FN1: variants seen among roughly 807,000 people sequenced by gnomAD.
The protein encoded by FN1 is fibronectin.
FN1 carries 106 observed loss-of-function variants against 297.3 expected under a neutral mutation model. The observed-to-expected ratio is 0.36, with a 90% CI of 0.30 to 0.42. FN1 has a LOEUF of 0.42. FN1 is among the 10% of genes least tolerant of loss of function. FN1 has a pLI of 1.00. For synonymous variants in FN1, 1,149 were observed against 1,152.6 expected (o/e 1.00, Z 0.06); for missense variants, 2,690 against 3,124.9 (o/e 0.86, Z 3.32).
At chr2:215,423,317 C>G (rs868744128) in intron 9 of FN1, 33 bp downstream of exon 9, 1 of 1,611,930 alleles carries the variant, frequency 6.2e-7, no homozygotes, top group Non-Finnish European at 8.5e-7. Context: ...AAATTGTTGT[C>G]AAACAAGACA....
chr2:215,404,490 T>C lies in FN1; in HGVS notation c.3152A>G (p.Tyr1051Cys). Residue 1051 changes from tyrosine (Y) to cysteine (C), a missense_variant, in exon 20 of 46, where the codon TAC becomes TGC. Around this residue, in one of 3 missense-constraint regions of FN1, gnomAD observed 1,743 missense variants for 1,945.2 expected, o/e 0.90. Coordinates refer to ENST00000354785, the MANE Select transcript of FN1 (RefSeq NM_212482.4). ...TGCAGGCTGCAGATTCCTCAGTGGG[T>C]ACTTGGAGACAGAGGGACCCACATT... ...QYNVGPSVSKYPLRNLQPASE... is the reference protein window; with the variant it reads ...QYNVGPSVSKCPLRNLQPASE... 1 of 1,613,934 alleles carries C rather than the reference T, an allele frequency of 6.2e-7. No individual in the cohort carries two copies. The highest frequency in any genetic ancestry group is 1.1e-5 in the South Asian group (1 of 91,062).
intron 5 of FN1, among the ~76,000 whole-genome samples, chr2:215,428,666 G>C (rs1324795926): frequency 6.6e-6 from 1 of 152,074 alleles, no homozygotes; most frequent in East Asian, 1.9e-4. Context: ...GGCTCTTCCA[G>C]GATTTTTCTT....
At chr2:215,373,545 C>T (rs995020245) in intron 38 of FN1, 134 bp from the exon 39 acceptor site, 34 of 728,378 alleles carry the variant, frequency 4.7e-5, no homozygotes, top group African/African-American at 1.6e-4. Flanking sequence ...AAGGTAAAAT[C>T]GACTTCACTT....
intron 20 of FN1, among the ~76,000 whole-genome samples, chr2:215,402,622 A>G (rs1322243488): frequency 3.3e-5 from 5 of 152,226 alleles, no homozygotes; most frequent in Non-Finnish European, 7.3e-5. Context: ...GGAGTTGTAG[A>G]ATACCCTGCT....
intron 22 of FN1, 57 bp downstream of exon 22, chr2:215,397,623 T>C (rs1559459592): frequency 6.7e-7 from 1 of 1,498,862 alleles, no homozygotes; most frequent in African/African-American, 1.4e-5. Context: ...CACTAGCTTT[T>C]TTCGAAAAGT....
rs151181937 is a variant in FN1 at position 215,416,767 on chromosome 2, T to C, written c.1820-1809A>G. 7.8e-4 allele frequency among the ~76,000 whole-genome samples: 119 copies of C among 152,284 alleles called. 1 individual carries two copies. The highest frequency in any genetic ancestry group is 1.2e-3 in the Non-Finnish European group (83 of 68,018). On this transcript the variant is annotated intron_variant, in intron 12 of 45. Coordinates refer to ENST00000354785, the MANE Select transcript of FN1 (RefSeq NM_212482.4). ...ACCTCTAAGCCTAATCATATTTCTA[T>C]GTCCACAAGGACACAAGGAGGAGGA...
chr2:215,376,056 T>C (rs2057232616), intron 36 of FN1, among the ~76,000 whole-genome samples: 1 of 152,212 alleles, frequency 6.6e-6, no homozygotes, highest in African/African-American at 2.4e-5. Flanking sequence ...TAGTTGAGCC[T>C]TGGAATCACA....
intron 38 of FN1, 44 bp downstream of exon 38, chr2:215,375,170 C>G (rs2057040974): frequency 6.3e-7 from 1 of 1,585,096 alleles, no homozygotes; most frequent in Admixed American, 1.7e-5. Context: ...CTTCATGTGT[C>G]CTAGGTAGTA....
chr2:215,412,871 C>T (rs1019400903), intron 13 of FN1, among the ~76,000 whole-genome samples: 9 of 147,254 alleles, frequency 6.1e-5, no homozygotes, highest in African/African-American at 2.3e-4. Flanking sequence ...CCATATCCAC[C>T]ATTTTTCATG....
chr2:215,370,930 A>T (rs1310076208), intron 40 of FN1, among the ~76,000 whole-genome samples: 1 of 152,166 alleles, frequency 6.6e-6, no homozygotes, highest in Non-Finnish European at 1.5e-5. Flanking sequence ...GTCAGTTTTT[A>T]AATTCTGCCA....
intron 13 of FN1, among the ~76,000 whole-genome samples, chr2:215,413,471 A>G (rs2062981835): frequency 6.6e-6 from 1 of 152,082 alleles, no homozygotes; most frequent in Non-Finnish European, 1.5e-5. Flanking sequence ...TGTTATTTTA[A>G]CTGCATTATT....
intron 45 of FN1, 157 bp from the exon 46 acceptor site, chr2:215,361,783 A>G (rs1032085499): frequency 1.6e-4 from 69 of 441,802 alleles, no homozygotes; most frequent in Non-Finnish European, 1.9e-4. Context: ...GGGCAATAGG[A>G]GATGTTCAAG....
intron 5 of FN1, 64 bp from the exon 6 acceptor site, chr2:215,428,402 T>C: frequency 6.9e-7 from 1 of 1,448,958 alleles, no homozygotes. Context: ...AATTCAAACT[T>C]AAAAAAGGAA....
Position 215,361,344 on chromosome 2 carries a change from A to G in FN1, c.*211T>C, listed in dbSNP as rs2053404712. The G allele has an allele frequency of 6.7e-6, 4 of 598,656 alleles. No homozygotes were observed. The highest frequency in any genetic ancestry group is 1.2e-5 in the Non-Finnish European group (4 of 334,148). 37.1% of individuals were successfully genotyped at this position (598,656 alleles called of 1,614,324 possible). On this transcript the variant is annotated 3_prime_UTR_variant, in exon 46 of 46. Transcript: ENST00000354785. ...TGAATACTTCGAAGCAGAACAGGCA[A>G]TGTGCAGCCCTCATTTATGAGAAAA...
In FN1 at chr2:215,409,703, G is replaced by A. The variant is rs2062302184; in HGVS notation, c.2159C>T (p.Pro720Leu). Residue 720 changes from proline to leucine, a missense_variant, in exon 15 of 46, where the codon CCT becomes CTT. Around this residue, in one of 3 missense-constraint regions of FN1, gnomAD observed 876 missense variants for 1,058.1 expected, o/e 0.83. Transcript: ENST00000354785. ...TVTGETTPFS[P>L]LVATSESVTE... Reference sequence around the variant, plus strand: ...CACAGATTCAGAAGTGGCCACAAGAGGAGAAAAGGGAGTCGTCTCTCCTGT... The same window carrying A: ...CACAGATTCAGAAGTGGCCACAAGAAGAGAAAAGGGAGTCGTCTCTCCTGT... The A allele has an allele frequency of 6.2e-7, 1 of 1,613,976 alleles. No individual in the cohort carries two copies. The highest frequency in any genetic ancestry group is 8.5e-7 in the Non-Finnish European group (1 of 1,180,006).
chr2:215,404,430 C>G lies in FN1; in HGVS notation c.3212G>C (p.Gly1071Ala). ...AGTGGCTTTGGGGCTCTCTTGGTTG[C>G]CCTTTATGGCCACGAGGGATACGGT... ...EYTVSLVAIKGNQESPKATGV... is the reference protein window; with the variant it reads ...EYTVSLVAIKANQESPKATGV... Residue 1071 changes from glycine (G) to alanine (A), a missense_variant, in exon 20 of 46, where the codon GGC (glycine) becomes GCC (alanine). By Grantham distance (60) the Gly-to-Ala change is moderately conservative. This residue lies in a region of FN1 where 1,743 missense variants were observed against 1,945.2 expected (regional missense o/e 0.90). Coordinates refer to ENST00000354785, the MANE Select transcript of FN1 (RefSeq NM_212482.4). The G allele has an allele frequency of 1.2e-6, 2 of 1,613,946 alleles. No individual in the cohort carries two copies. The highest frequency in any genetic ancestry group is 4.5e-5 in the East Asian group (2 of 44,884).
intron 40 of FN1, 153 bp downstream of exon 40, chr2:215,371,756 A>G: frequency 1.5e-6 from 1 of 663,002 alleles, no homozygotes; most frequent in Non-Finnish European, 2.7e-6. Flanking sequence ...CAAATGATCC[A>G]CCTGCCTCGG....
chr2:215,379,719 G>A (rs750320311), intron 33 of FN1: 16 of 244,484 alleles, frequency 6.5e-5, no homozygotes, highest in South Asian at 3.9e-4. Flanking sequence ...ATTTAGAAAC[G>A]GTCTCTCTGT....
At chr2:215,434,574 A>G in intron 2 of FN1, 122 bp downstream of exon 2, 1 of 1,187,074 alleles carries the variant, frequency 8.4e-7, no homozygotes, top group Non-Finnish European at 1.3e-6. Flanking sequence ...TAAACTTAAG[A>G]GGAAATGACA....
Sources: gnomAD v4.1 joint callset for allele counts (sites outside exome capture counted in the v4.1 genomes callset) on GRCh38, gnomAD v4.1.1 for gene constraint, gnomAD v4.1.1 regional missense constraint, MANE v1.5 for transcripts, NCBI Gene and HGNC (gene_info 2026-07-23, HGNC 2026-07-21) for gene names.